Variants in MYH7B observed in about 807,000 individuals in gnomAD.
The protein encoded by MYH7B is myosin heavy chain 7B.
Under a neutral mutation model 234.5 loss-of-function variants are expected in MYH7B, and 205 were observed. The observed-to-expected ratio is 0.87, with a 90% CI of 0.78 to 0.98. MYH7B has a LOEUF of 0.98. MYH7B is among the 50% of genes least tolerant of loss of function. The pLI is 0.00. For missense variants in MYH7B, 2,652 were observed against 2,633.4 expected, an observed-to-expected ratio of 1.01 and a Z score of -0.15; for synonymous variants, 1,193 against 1,105.0, an observed-to-expected ratio of 1.08 and a Z score of -1.58.
intron 3 of MYH7B, 21 bp from the exon 4 acceptor site, chr20:34,977,611 C>A: frequency 6.4e-7 from 1 of 1,573,022 alleles, no homozygotes; most frequent in South Asian, 1.2e-5. Flanking sequence ...TGACATAGCT[C>A]TCCTCCTCTG....
intron 8 of MYH7B, 146 bp from the exon 9 acceptor site, chr20:34,980,887 G>A: frequency 6.7e-7 from 1 of 1,483,906 alleles, no homozygotes; most frequent in Non-Finnish European, 9.3e-7. Context: ...CATGGGAGCT[G>A]ACCTCCACTA....
Position 34,997,306 on chromosome 20 carries a change from G to A in MYH7B, c.3413G>A (p.Arg1138His), listed in dbSNP as rs950086043. ...GAGGCAGAGCGGGCAGCCCGGGCCC[G>A]CGTGGAGAAGCAGCGTGCAGAGGCG... is the stretch of plus-strand genomic sequence containing the variant. The change falls in exon 32 of 45, where the codon CGC becomes CAC. Residue 1138 changes from arginine (R) to histidine (H), a missense_variant. This residue lies in a region of MYH7B where 2,279 missense variants were observed against 2,211.4 expected (regional missense o/e 1.03). Transcript: ENST00000262873. 1.1e-5 allele frequency: 17 copies of A among 1,552,954 alleles called. No individual in the cohort carries two copies. In the Admixed American group the frequency reaches 1.2e-4, roughly 11 times the overall value.
At chr20:34,962,772 C>A (rs1180185949) in intron 2 of MYH7B, among the ~76,000 whole-genome samples, 1 of 152,140 alleles carries the variant, frequency 6.6e-6, no homozygotes, top group African/African-American at 2.4e-5. Flanking sequence ...AGACTACAAG[C>A]GAGAGCCACC....
rs572532230 is a variant in MYH7B at position 34,986,939 on chromosome 20, G to A, written c.958G>A (p.Val320Ile). The change falls in exon 15 of 45, where the codon GTC becomes ATC. Residue 320 changes from valine (V) to isoleucine (I), a missense_variant. Val to Ile is a conservative substitution (Grantham distance 29). Transcript: ENST00000262873. ...TGACTACCACTTCTGCAGCCAGGGC[G>A]TCATCACCGTGGACAACATGAATGA... The A allele has an allele frequency of 4.0e-5, 65 of 1,614,084 alleles. No homozygotes were observed. The Admixed American group carries it at 6.2e-4, about 15-fold the overall frequency.
At chr20:34,995,417 G>C (rs1224787464) in exon 28 of MYH7B, 1 of 1,613,908 alleles carries the variant, frequency 6.2e-7, no homozygotes, top group African/African-American at 1.3e-5. Context: ...GAAGGTGAAG[G>C]AGCTGAGTGA....
At chr20:34,976,701 G>A (rs1274605760) in intron 3 of MYH7B, among the ~76,000 whole-genome samples, 1 of 152,190 alleles carries the variant, frequency 6.6e-6, no homozygotes, top group Non-Finnish European at 1.5e-5. Context: ...ATAAGTTCCA[G>A]GGCTGGTTTT....
chr20:34,962,107 ATCCCCAC>A (rs1435540078), intron 2 of MYH7B, among the ~76,000 whole-genome samples: 1 of 152,158 alleles, frequency 6.6e-6, no homozygotes, highest in Non-Finnish European at 1.5e-5. Context: ...TGCGCCTGTC[ATCCCCAC>A]TACTAGGGAG....
At chr20:34,994,272 G>C in exon 27 of MYH7B, 1 of 1,612,748 alleles carries the variant, frequency 6.2e-7, no homozygotes, top group East Asian at 2.2e-5. Context: ...AGGAGCTGGC[G>C]GCCCTGCGGG....
chr20:34,987,988 C>G, intron 18 of MYH7B, 74 bp downstream of exon 18: 1 of 1,559,968 alleles, frequency 6.4e-7, no homozygotes, highest in South Asian at 1.2e-5. Context: ...GGGCAGAAGC[C>G]CTGGCCTTCT....
At chr20:34,982,399 TG>T in intron 9 of MYH7B, 59 bp from the exon 10 acceptor site, 1 of 1,314,982 alleles carries the variant, frequency 7.6e-7, no homozygotes, top group Non-Finnish European at 1.0e-6. Context: ...GGTGAGGCAT[TG>T]GGGGTGGGGG....
intron 9 of MYH7B, chr20:34,981,543 C>T (rs2081941152): frequency 1.2e-5 from 2 of 168,390 alleles, no homozygotes; most frequent in Admixed American, 6.3e-5. Context: ...TGTGCATGCG[C>T]GTATGCAGTT....
chr20:34,979,774 G>T (rs556146194), exon 7 of MYH7B: 1 of 1,614,048 alleles, frequency 6.2e-7, no homozygotes. Flanking sequence ...TGCACAACCT[G>T]CGCCAGCGCT....
chr20:34,972,557 T>C (rs1434136411), intron 2 of MYH7B, among the ~76,000 whole-genome samples: 1 of 152,168 alleles, frequency 6.6e-6, no homozygotes, highest in African/African-American at 2.4e-5. Flanking sequence ...TATTTTTTGC[T>C]TCTCCAGGGG....
chr20:34,990,870 G>C, intron 23 of MYH7B, 45 bp downstream of exon 23: 1 of 1,607,576 alleles, frequency 6.2e-7, no homozygotes, highest in South Asian at 1.1e-5. Flanking sequence ...AGGCATCATG[G>C]GAAGGTGACA....
chr20:34,978,562 C>T (rs1029870517), intron 5 of MYH7B, among the ~76,000 whole-genome samples: 21 of 152,126 alleles, frequency 1.4e-4, no homozygotes. Context: ...TAACAATAGG[C>T]AGTGTGTACC....
intron 2 of MYH7B, among the ~76,000 whole-genome samples, chr20:34,965,306 C>G (rs540541501): frequency 1.3e-5 from 2 of 152,364 alleles, no homozygotes; most frequent in Admixed American, 1.3e-4. Context: ...TGTGGTTAAC[C>G]TGGCTCAGCC....
Position 35,001,366 on chromosome 20 carries a change from C to T in MYH7B, c.5580+17C>T. 1 of 1,601,606 alleles carries T rather than the reference C, an allele frequency of 6.2e-7. No homozygotes were observed. Among genetic ancestry groups the T allele is most frequent in the South Asian group, 1.1e-5 (1 of 89,414 alleles). ...GCATACCAGGTGGGCGACAGGGTCT[C>T]CCTGGGGAGTGGCCCTGGAGCTGGC... On this transcript the variant is annotated intron_variant, in intron 42 of 44. Coordinates refer to ENST00000262873, the Ensembl canonical transcript of MYH7B.
At chr20:34,977,825 C>T (rs1451147398) in intron 4 of MYH7B, 109 bp from the exon 5 acceptor site, 5 of 1,515,980 alleles carry the variant, frequency 3.3e-6, no homozygotes, top group East Asian at 4.5e-5. Context: ...ATGCTGGGCA[C>T]TCACCCAAGG....
intron 2 of MYH7B, among the ~76,000 whole-genome samples, chr20:34,961,394 A>G (rs78570705): frequency 2.0e-5 from 3 of 152,300 alleles, no homozygotes; most frequent in East Asian, 3.9e-4. Flanking sequence ...CACTGCTAAT[A>G]TAAAGACCTT....
Sources: gnomAD v4.1 joint callset for allele counts (sites outside exome capture counted in the v4.1 genomes callset) on GRCh38, gnomAD v4.1.1 for gene constraint, gnomAD v4.1.1 regional missense constraint, MANE v1.5 for transcripts, NCBI Gene and HGNC (gene_info 2026-07-23, HGNC 2026-07-21) for gene names.